The following IGF2BP2 variants were observed in gnomAD, a reference collection of about 807,000 sequenced individuals.
IGF2BP2 encodes insulin-like growth factor 2 mRNA-binding protein 2.
In IGF2BP2, 17 loss-of-function variants were observed where a neutral mutation model predicts 75.8. The ratio of observed to expected loss-of-function variants is 0.22; its 90% CI spans 0.15 to 0.34. The LOEUF (loss-of-function observed/expected upper bound fraction) is 0.34, where lower values mean the gene tolerates loss of function less well. Ranked by LOEUF, IGF2BP2 falls within the 10% of genes least tolerant of loss-of-function variation. The pLI, the probability that IGF2BP2 is intolerant of heterozygous loss-of-function variation, is 1.00. For synonymous variants in IGF2BP2, 288 were observed against 295.6 expected (o/e 0.97, Z 0.26); for missense variants, 516 against 772.4 (o/e 0.67, Z 3.93).
chr3:185,671,387 A>G (rs548363284), intron 10 of IGF2BP2, among the ~76,000 whole-genome samples: 1 of 152,150 alleles, frequency 6.6e-6, no homozygotes, highest in African/African-American at 2.4e-5. Context: ...CTCTACTAAA[A>G]TTAGCTGGGT....
chr3:185,743,969 T>C (rs1729910743), intron 2 of IGF2BP2, among the ~76,000 whole-genome samples: 1 of 152,104 alleles, frequency 6.6e-6, no homozygotes, highest in Non-Finnish European at 1.5e-5. Flanking sequence ...ACCTAAAGGG[T>C]TTCCTGGGAG....
chr3:185,799,288 C>T (rs1264828989), intron 2 of IGF2BP2, among the ~76,000 whole-genome samples: 1 of 151,888 alleles, frequency 6.6e-6, no homozygotes, highest in Admixed American at 6.5e-5. Flanking sequence ...GTCGCAGCTA[C>T]TTGGGAAGCT....
At chr3:185,729,218 T>C (rs1374668343) in intron 2 of IGF2BP2, among the ~76,000 whole-genome samples, 1 of 152,142 alleles carries the variant, frequency 6.6e-6, no homozygotes, top group Non-Finnish European at 1.5e-5. Flanking sequence ...AAGTAAGATG[T>C]CTCAGGAAAG....
At chr3:185,718,473 G>A (rs1725990947) in intron 2 of IGF2BP2, among the ~76,000 whole-genome samples, 1 of 152,056 alleles carries the variant, frequency 6.6e-6, no homozygotes, top group Non-Finnish European at 1.5e-5. Context: ...AGATCACGAG[G>A]TCAGGAGATT....
At chr3:185,822,864 G>A (rs1346327774) in intron 2 of IGF2BP2, among the ~76,000 whole-genome samples, 1 of 150,152 alleles carries the variant, frequency 6.7e-6, no homozygotes, top group Non-Finnish European at 1.5e-5. Context: ...GTGGGGGTGG[G>A]AGGCAATTTT....
chr3:185,657,441 C>T, intron 11 of IGF2BP2, 39 bp from the exon 12 acceptor site: 1 of 1,496,624 alleles, frequency 6.7e-7, no homozygotes, highest in Non-Finnish European at 9.3e-7. Context: ...TCATTCCAAC[C>T]AGGCTTTCTC....
Position 185,645,483 on chromosome 3 carries a change from T to C in IGF2BP2, c.*48A>G, listed in dbSNP as rs1271574109. Reference sequence around the variant, plus strand: ...GCGTTTGGTCTCATTCTGTCAGGTGTTGGAAGGGCTACATTCATCCGTTGT... The same window carrying C: ...GCGTTTGGTCTCATTCTGTCAGGTGCTGGAAGGGCTACATTCATCCGTTGT... On this transcript the variant is annotated 3_prime_UTR_variant, in exon 16 of 16. Transcript: ENST00000382199. This position sits in a 1 kb window ranked among gnomAD's most constrained non-coding sequence, Gnocchi z 4.9. 3.8e-6 allele frequency: 5 copies of C among 1,312,612 alleles called. No homozygotes were observed. Among genetic ancestry groups the C allele is most frequent in the African/African-American group, 1.4e-5 (1 of 69,066 alleles). The allele number at this position is 1,312,612 out of a possible 1,614,324, so 81.3% of individuals were successfully genotyped here. A position where few individuals can be genotyped will look rare whatever the true frequency, so the allele number is the denominator to read the frequency against.
intron 10 of IGF2BP2, among the ~76,000 whole-genome samples, chr3:185,663,946 G>A (rs1429435081): frequency 6.6e-6 from 1 of 152,160 alleles, no homozygotes; most frequent in Non-Finnish European, 1.5e-5. Flanking sequence ...TATTTAAATA[G>A]TTTTAGTGTG....
chr3:185,771,917 G>A (rs1430307377), intron 2 of IGF2BP2, among the ~76,000 whole-genome samples: 2 of 152,014 alleles, frequency 1.3e-5, no homozygotes, highest in Non-Finnish European at 2.9e-5. Flanking sequence ...TTCTGGAGGC[G>A]GTGTTTATAT....
At chr3:185,723,009 T>C (rs576649269) in intron 2 of IGF2BP2, among the ~76,000 whole-genome samples, 24 of 152,356 alleles carry the variant, frequency 1.6e-4, no homozygotes, top group African/African-American at 5.3e-4. Context: ...CATTTTGTTC[T>C]GCCTTTGCTA....
chr3:185,785,890 T>C (rs998486732), intron 2 of IGF2BP2, among the ~76,000 whole-genome samples: 1 of 152,180 alleles, frequency 6.6e-6, no homozygotes, highest in African/African-American at 2.4e-5. Flanking sequence ...TCATTAAAAG[T>C]AGATCTAAGG....
intron 2 of IGF2BP2, among the ~76,000 whole-genome samples, chr3:185,746,423 T>C (rs1014694122): frequency 2.0e-5 from 3 of 152,164 alleles, no homozygotes; most frequent in Admixed American, 6.5e-5. Flanking sequence ...AGCAACTCCA[T>C]GTTCTCCCAG....
At chr3:185,789,242 G>C (rs527802384) in intron 2 of IGF2BP2, among the ~76,000 whole-genome samples, 1 of 152,268 alleles carries the variant, frequency 6.6e-6, no homozygotes, top group African/African-American at 2.4e-5. Context: ...CATGAAAACT[G>C]CTGTATCTTA....
intron 2 of IGF2BP2, among the ~76,000 whole-genome samples, chr3:185,805,150 T>C (rs1168532820): frequency 6.6e-6 from 1 of 152,156 alleles, no homozygotes; most frequent in Non-Finnish European, 1.5e-5. Flanking sequence ...GTATCAATTG[T>C]ACTGGCCCAG....
chr3:185,678,451 T>G (rs182943080), intron 7 of IGF2BP2, among the ~76,000 whole-genome samples: 28 of 152,356 alleles, frequency 1.8e-4, no homozygotes, highest in Non-Finnish European at 3.7e-4. Flanking sequence ...TGCTGAATTC[T>G]CTTAATTTTC....
chr3:185,794,359 G>A (rs1345401203), intron 2 of IGF2BP2, among the ~76,000 whole-genome samples: 1 of 128,478 alleles, frequency 7.8e-6, no homozygotes, highest in Non-Finnish European at 1.6e-5. Flanking sequence ...ATATTTCTTT[G>A]CTAAGGACTT....
intron 3 of IGF2BP2, 139 bp from the exon 4 acceptor site, chr3:185,696,802 G>A: frequency 1.4e-6 from 1 of 719,990 alleles, no homozygotes; most frequent in Middle Eastern, 2.5e-4. Flanking sequence ...TGATATCTCA[G>A]GTCTTCCATA....
At chr3:185,787,367 C>T (rs781001469) in intron 2 of IGF2BP2, among the ~76,000 whole-genome samples, 2 of 152,042 alleles carry the variant, frequency 1.3e-5, no homozygotes, top group East Asian at 1.9e-4. Flanking sequence ...AAATATTTAA[C>T]GTTTGTTCAA....
chr3:185,718,402 T>C (rs528518381), intron 2 of IGF2BP2, among the ~76,000 whole-genome samples: 1 of 152,192 alleles, frequency 6.6e-6, no homozygotes, highest in East Asian at 1.9e-4. Context: ...AGAAAGCAAG[T>C]CAGGCTCGGG....
Sources: gnomAD v4.1 joint callset for allele counts (sites outside exome capture counted in the v4.1 genomes callset) on GRCh38, gnomAD v4.1.1 for gene constraint, Gnocchi (gnomAD v3.1) non-coding constraint, MANE v1.5 for transcripts, NCBI Gene and HGNC (gene_info 2026-07-23, HGNC 2026-07-21) for gene names.